The following NFS1 variants were observed in gnomAD, a reference collection of about 807,000 sequenced individuals.
NFS1 encodes cysteine desulfurase.
In NFS1, 26 loss-of-function variants were observed where a neutral mutation model predicts 57.3. The ratio of observed to expected loss-of-function variants is 0.45; its 90% CI spans 0.33 to 0.63. The LOEUF (loss-of-function observed/expected upper bound fraction) is 0.63. Ranked by LOEUF, NFS1 falls within the 20% of genes least tolerant of loss-of-function variation. The probability of loss-of-function intolerance (pLI) is 0.02; values close to 1 mark genes in which losing one functional copy is unlikely to be tolerated. For missense variants in NFS1, 505 were observed against 605.8 expected (o/e 0.83, Z 1.75); for synonymous variants, 209 against 216.3 (o/e 0.97, Z 0.30).
In NFS1 at chr20:35,681,982, C is replaced by T. The variant is rs1404580506; in HGVS notation, c.562-1G>A. On this transcript the variant is annotated splice_acceptor_variant, in intron 5 of 12. Transcript: ENST00000374092. LOFTEE classifies it high-confidence loss of function. ...CTGGCTGGATAGCAGCCTCTAGTTC[C>T]TAGGGATATGCAGGAGTAAGGTGAC... 6.3e-7 allele frequency: 1 copy of T among 1,586,492 alleles called. No homozygotes were observed. Among genetic ancestry groups the T allele is most frequent in the East Asian group, 2.2e-5 (1 of 44,618 alleles).
intron 5 of NFS1, among the ~76,000 whole-genome samples, chr20:35,685,452 G>A (rs2034921455): frequency 6.6e-6 from 1 of 151,280 alleles, no homozygotes; most frequent in African/African-American, 2.4e-5. Context: ...AACTTAGAAG[G>A]CGGAGACTGC....
chr20:35,698,790 T>C, intron 1 of NFS1, 200 bp from the exon 2 acceptor site: 1 of 1,390,982 alleles, frequency 7.2e-7, no homozygotes, highest in Admixed American at 3.4e-5. Flanking sequence ...AGAGGGTTCC[T>C]GGAGGGGGTG....
At chr20:35,678,312 G>A (rs1312690334) in intron 7 of NFS1, among the ~76,000 whole-genome samples, 3 of 151,216 alleles carry the variant, frequency 2.0e-5, no homozygotes, top group Non-Finnish European at 2.9e-5. Context: ...CCAAGATCAC[G>A]CCACTGTACT....
chr20:35,674,297 A>G (rs1319929879), intron 10 of NFS1, 53 bp downstream of exon 10: 2 of 1,414,740 alleles, frequency 1.4e-6, no homozygotes, highest in African/African-American at 2.8e-5. Flanking sequence ...AATAGCCTGT[A>G]TGACTCTTCT....
intron 10 of NFS1, 61 bp from the exon 11 acceptor site, chr20:35,673,745 C>T (rs1305561817): frequency 1.5e-6 from 2 of 1,379,048 alleles, no homozygotes; most frequent in African/African-American, 2.9e-5. Context: ...TAGTCACAAA[C>T]CCTCAGTCTT....
chr20:35,698,984 G>A, intron 1 of NFS1: 1 of 1,326,882 alleles, frequency 7.5e-7, no homozygotes. Flanking sequence ...CCACGGCTCT[G>A]GGGGCCTGTC....
chr20:35,674,369 C>T lies in NFS1; in HGVS notation c.1117G>A (p.Val373Ile). ...GCTCACCTCCCTGAGGATAAGGCAA[C>T]GTCCTTCAGTGCCATCAGCAGACTT... ...GESLLMALKDVALSSGSACTS... is the reference protein window; with the variant it reads ...GESLLMALKDIALSSGSACTS... The change falls in exon 10 of 13, where the codon GTT becomes ATT. Residue 373 changes from valine (V) to isoleucine (I), a missense_variant. By Grantham distance (29) the Val-to-Ile change is conservative. Transcript: ENST00000374092. 3.7e-6 allele frequency: 6 copies of T among 1,614,072 alleles called. No individual in the cohort carries two copies. The highest frequency in any genetic ancestry group is 1.3e-5 in the African/African-American group (1 of 75,042).
chr20:35,679,434 G>A (rs2034811260), intron 7 of NFS1, among the ~76,000 whole-genome samples: 1 of 152,080 alleles, frequency 6.6e-6, no homozygotes, highest in Non-Finnish European at 1.5e-5. Context: ...CGCCCGCCTT[G>A]GCTTCCCAAA....
At chr20:35,695,104 C>T (rs1346499129) in intron 4 of NFS1, among the ~76,000 whole-genome samples, 1 of 152,172 alleles carries the variant, frequency 6.6e-6, no homozygotes, top group Non-Finnish European at 1.5e-5. Flanking sequence ...TCTTAGCGAT[C>T]CTTGACCTGT....
chr20:35,672,247 T>C (rs1438901048), intron 12 of NFS1, among the ~76,000 whole-genome samples: 2 of 151,708 alleles, frequency 1.3e-5, no homozygotes, highest in East Asian at 1.9e-4. Flanking sequence ...TGTGAGCCAC[T>C]GTGCCCGGCT....
At chr20:35,697,223 G>A (rs942487616) in intron 3 of NFS1, among the ~76,000 whole-genome samples, 3 of 152,032 alleles carry the variant, frequency 2.0e-5, no homozygotes, top group Non-Finnish European at 2.9e-5. Context: ...CTTGAACCCG[G>A]GAGGCAGAGG....
chr20:35,674,071 G>A, intron 10 of NFS1: 1 of 481,456 alleles, frequency 2.1e-6, no homozygotes, highest in South Asian at 2.2e-5. Context: ...AATTCTAGAG[G>A]CCTGTAACAG....
At chr20:35,672,717 G>C (rs1183747719) in intron 12 of NFS1, 38 bp downstream of exon 12, 1 of 1,402,302 alleles carries the variant, frequency 7.1e-7, no homozygotes, top group Non-Finnish European at 1.0e-6. Context: ...GACAGTGCTA[G>C]AGTTTCTTCC....
At chr20:35,673,520 T>A (rs1243280326) in intron 11 of NFS1, 81 bp downstream of exon 11, 2 of 1,243,544 alleles carry the variant, frequency 1.6e-6, no homozygotes, top group Non-Finnish European at 2.3e-6. Context: ...AACTTCAGGG[T>A]GGAAAAAGAA....
chr20:35,696,486 T>G, intron 3 of NFS1, 26 bp from the exon 4 acceptor site: 1 of 1,573,586 alleles, frequency 6.4e-7, no homozygotes, highest in Non-Finnish European at 8.7e-7. Flanking sequence ...CAGAGATATA[T>G]AACATCAGTT....
rs6058300 is a variant in NFS1, at chr20:35,690,458, C to T, written c.516G>A (p.Gln172=). Residue 172 remains glutamine, a synonymous_variant, in exon 5 of 13, where the codon CAG becomes CAA. Transcript: ENST00000374092. Reference sequence around the variant, plus strand: ...TCTTCTGCACTGGGAGGTAGGTGACCTGAAAGCCCTCAGCTTCCAGTGAAC... The same window carrying T: ...TCTTCTGCACTGGGAGGTAGGTGACTTGAAAGCCCTCAGCTTCCAGTGAAC... The part of the protein sequence containing the change: ...SCRSLEAEGF[Q]VTYLPVQKSG... 1 of 1,613,958 alleles carries T rather than the reference C, an allele frequency of 6.2e-7. No homozygotes were observed. Among genetic ancestry groups the T allele is most frequent in the African/African-American group, 1.3e-5 (1 of 74,992 alleles).
chr20:35,672,015 G>A (rs1313027314), intron 12 of NFS1, among the ~76,000 whole-genome samples: 1 of 152,152 alleles, frequency 6.6e-6, no homozygotes, highest in Non-Finnish European at 1.5e-5. Flanking sequence ...CTGGAGTGCA[G>A]TGGTGTGATC....
chr20:35,680,258 T>C (rs1481170346), intron 7 of NFS1, among the ~76,000 whole-genome samples: 4 of 151,688 alleles, frequency 2.6e-5, no homozygotes, highest in South Asian at 4.2e-4. Flanking sequence ...TGAACCGAGA[T>C]GGCGCCACTG....
rs2035199310 is a variant in NFS1, at chr20:35,699,182, C to A, written c.97+10G>T. On this transcript the variant is annotated intron_variant, in intron 1 of 12. Transcript: ENST00000374092. The surrounding 1 kb of genome is among the most constrained non-coding windows in gnomAD (Gnocchi z 4.4). ...GTCCGCGCCTCCCGGAGAGCGGGAC[C>A]CGAGCGTACCGCGCAGGCGCAGCCC... is the stretch of plus-strand genomic sequence containing the variant. 2.1e-6 allele frequency: 3 copies of A among 1,398,820 alleles called. No homozygotes were observed. The South Asian group carries it at 4.7e-5, about 22-fold the overall frequency. The allele number at this position is 1,398,820 out of a possible 1,614,324, so 86.7% of individuals were successfully genotyped here.
Sources: allele counts gnomAD v4.1 joint callset (sites outside exome capture counted in the v4.1 genomes callset), GRCh38; gene constraint gnomAD v4.1.1; non-coding constraint Gnocchi (gnomAD v3.1); transcripts MANE v1.5; gene names NCBI Gene and HGNC (gene_info 2026-07-23, HGNC 2026-07-21).